RTN4IP1: variants seen among roughly 807,000 people sequenced by gnomAD.
The protein encoded by RTN4IP1 is reticulon 4 interacting protein 1, also known as NAD(P)H oxidoreductase RTN4IP1, mitochondrial.
A neutral mutation model predicts 46.6 loss-of-function variants in RTN4IP1; 32 were observed. That is an observed-to-expected ratio of 0.69 (90% CI 0.52 to 0.92). RTN4IP1 has a LOEUF of 0.92. Ranked by LOEUF, RTN4IP1 falls within the 40% of genes least tolerant of loss-of-function variation. The probability of loss-of-function intolerance (pLI) is 0.00; values close to 1 mark genes in which losing one functional copy is unlikely to be tolerated. For synonymous variants in RTN4IP1, 167 were observed against 161.8 expected, an observed-to-expected ratio of 1.03 and a Z score of -0.24; for missense variants, 424 against 485.8, an observed-to-expected ratio of 0.87 and a Z score of 1.20.
chr6:106,587,845 T>A lies in RTN4IP1; in HGVS notation c.824A>T (p.Asp275Val). Residue 275 changes from aspartate to valine, a missense_variant, in exon 7 of 9, where the codon GAT becomes GTT. Transcript: ENST00000369063. ...KSLKPFDFIL[D>V]NVGGSTETWA... ...TGTTTCAGTGGATCCGCCAACATTATCAAGGATAAAATCAAATCTGGAGAG... is the reference window on the plus strand; with the variant it reads ...TGTTTCAGTGGATCCGCCAACATTAACAAGGATAAAATCAAATCTGGAGAG... The A allele has an allele frequency of 6.2e-7, 1 of 1,612,850 alleles. No individual in the cohort carries two copies. The highest frequency in any genetic ancestry group is 1.1e-5 in the South Asian group (1 of 91,000).
At chr6:106,622,581 G>C (rs1776508970) in intron 2 of RTN4IP1, among the ~76,000 whole-genome samples, 1 of 152,186 alleles carries the variant, frequency 6.6e-6, no homozygotes. Flanking sequence ...GCAGGGCACG[G>C]TCGGCAATGT....
At chr6:106,573,325 C>CTA (rs975916958) in intron 8 of RTN4IP1, among the ~76,000 whole-genome samples, 1 of 152,240 alleles carries the variant, frequency 6.6e-6, no homozygotes, top group Non-Finnish European at 1.5e-5. Context: ...CCAACTCATA[C>CTA]ATTTTACGCT....
intron 4 of RTN4IP1, among the ~76,000 whole-genome samples, chr6:106,615,485 G>A (rs1262379841): frequency 6.6e-6 from 1 of 152,104 alleles, no homozygotes; most frequent in Non-Finnish European, 1.5e-5. Flanking sequence ...ATTTTGTGGA[G>A]GAGGAATAGT....
rs375462213 is a variant in RTN4IP1 at position 106,624,538 on chromosome 6, T to C, written c.275-1569A>G. ...ATTTTGTAGAAACAGGGATTCATCA[T>C]GTTGGCCAGGCTGGTCTCAAACTCC... On this transcript the variant is annotated intron_variant, in intron 1 of 8. Transcript: ENST00000369063. 3.9e-4 allele frequency among the ~76,000 whole-genome samples: 59 copies of C among 151,228 alleles called. No individual in the cohort carries two copies. In the South Asian group the frequency reaches 0.011, roughly 28 times the overall value.
In RTN4IP1 at chr6:106,622,917, T is replaced by C. The variant is rs1776519622; in HGVS notation, c.327A>G (p.Lys109=). Residue 109 remains lysine (K), a synonymous_variant, in exon 2 of 9, where the codon AAA becomes AAG. Transcript: ENST00000369063. ...TCAGAGGAAATTCTTCTCCTTTGATTTTCACGTGTAAAGGATCACGCTTCA... is the reference window on the plus strand; with the variant it reads ...TCAGAGGAAATTCTTCTCCTTTGATCTTCACGTGTAAAGGATCACGCTTCA... The part of the protein sequence containing the change: ...LNMKRDPLHV[K]IKGEEFPLTL... The C allele has an allele frequency of 1.2e-6, 2 of 1,614,100 alleles. No homozygotes were observed. The highest frequency in any genetic ancestry group is 1.3e-5 in the African/African-American group (1 of 74,940).
chr6:106,628,849 C>T lies in RTN4IP1; in HGVS notation c.173G>A (p.Arg58Gln). The T allele has an allele frequency of 6.2e-7, 1 of 1,614,102 alleles. No homozygotes were observed. Among genetic ancestry groups the T allele is most frequent in the African/African-American group, 1.3e-5 (1 of 75,034 alleles). ...IDKYGKNEVL[R>Q]FTQNMMMPII... ...AGGCATCATCATGTTCTGAGTGAAT[C>T]GAAGCACTTCATTCTTCCCATATTT... is the stretch of plus-strand genomic sequence containing the variant. Residue 58 changes from arginine to glutamine, a missense_variant, in exon 1 of 9, where the codon CGA becomes CAA. Transcript: ENST00000369063.
At chr6:106,627,206 T>G (rs1776671218) in intron 1 of RTN4IP1, among the ~76,000 whole-genome samples, 1 of 151,880 alleles carries the variant, frequency 6.6e-6, no homozygotes, top group African/African-American at 2.4e-5. Context: ...ACTAAGATGT[T>G]TCAAGAATAC....
intron 1 of RTN4IP1, among the ~76,000 whole-genome samples, chr6:106,626,202 G>C (rs1776638338): frequency 6.6e-6 from 1 of 152,050 alleles, no homozygotes; most frequent in Non-Finnish European, 1.5e-5. Flanking sequence ...TGGGTAGCTT[G>C]CATGAGTTGT....
intron 8 of RTN4IP1, among the ~76,000 whole-genome samples, chr6:106,580,129 G>A (rs997276431): frequency 1.0e-3 from 153 of 151,086 alleles, no homozygotes; most frequent in African/African-American, 3.5e-3. Flanking sequence ...CAGGAGAATG[G>A]TGTGAACCCG....
intron 6 of RTN4IP1, 47 bp from the exon 7 acceptor site, chr6:106,587,909 T>C: frequency 6.6e-7 from 1 of 1,504,478 alleles, no homozygotes; most frequent in Non-Finnish European, 9.0e-7. Context: ...GGCTTTACAC[T>C]GGACTCTGAT....
intron 4 of RTN4IP1, among the ~76,000 whole-genome samples, chr6:106,606,052 GA>G (rs968292399): frequency 6.6e-6 from 1 of 152,030 alleles, no homozygotes; most frequent in African/African-American, 2.4e-5. Context: ...CTTACATATA[GA>G]AAAAACAAAA....
intron 8 of RTN4IP1, among the ~76,000 whole-genome samples, chr6:106,574,630 TG>T (rs1775175769): frequency 6.6e-6 from 1 of 151,852 alleles, no homozygotes; most frequent in African/African-American, 2.4e-5. Context: ...CTGTAGGGGG[TG>T]GGGCAGAAAA....
At chr6:106,582,561 C>T (rs1024446782) in intron 8 of RTN4IP1, among the ~76,000 whole-genome samples, 1 of 152,168 alleles carries the variant, frequency 6.6e-6, no homozygotes, top group East Asian at 1.9e-4. Flanking sequence ...TATGATCTCA[C>T]ACAACCCTCT....
rs1470066615 is a variant in RTN4IP1, at chr6:106,592,312, C to T, written c.670-12G>A. 6.3e-7 allele frequency: 1 copy of T among 1,591,044 alleles called. No individual in the cohort carries two copies. On this transcript the variant is annotated splice_polypyrimidine_tract_variant and intron_variant, in intron 5 of 8. Transcript: ENST00000369063. Reference sequence around the variant, plus strand: ...CATGCTTTCATTACCTGCCCCCCACCAAAAAGAAAAAAAGAATAAAAAAGG... The same window carrying T: ...CATGCTTTCATTACCTGCCCCCCACTAAAAAGAAAAAAAGAATAAAAAAGG...
rs756809073 is a variant in RTN4IP1, at chr6:106,629,001, A to G, written c.21T>C (p.Cys7=). 22 of 1,611,750 alleles carry G rather than the reference A, an allele frequency of 1.4e-5. No homozygotes were observed. The highest frequency in any genetic ancestry group is 1.9e-5 in the Non-Finnish European group (22 of 1,178,624). ...CAGTGCATGCATTTCTTCTAAGTAC[A>G]CAAGTCTTCAGAAATTCCATTGTAA... MEFLKT[C]VLRRNACTAV... The change falls in exon 1 of 9, where the codon TGT becomes TGC. Residue 7 remains cysteine, a synonymous_variant. Coordinates refer to ENST00000369063, the MANE Select transcript of RTN4IP1 (RefSeq NM_032730.5).
chr6:106,609,084 A>G (rs1776158192), intron 4 of RTN4IP1, among the ~76,000 whole-genome samples: 1 of 152,196 alleles, frequency 6.6e-6, no homozygotes, highest in Non-Finnish European at 1.5e-5. Context: ...TTGAAGGACC[A>G]AGTCCCAGTT....
At chr6:106,600,075 C>T (rs979191557) in intron 5 of RTN4IP1, among the ~76,000 whole-genome samples, 2 of 152,040 alleles carry the variant, frequency 1.3e-5, no homozygotes, top group Non-Finnish European at 2.9e-5. Flanking sequence ...TTAAAGTGTG[C>T]ATCCCAGGAA....
At position 106,629,469 on chromosome 6, in the gene RTN4IP1, C is replaced by T; in HGVS notation, c.-448G>A. On this transcript the variant is annotated 5_prime_UTR_variant, in exon 1 of 9. Transcript: ENST00000369063. ...CTGGCCCGGAATCTCCTTGCCTGCC[C>T]GCTCTCCTTAGCCGCCGGGATGGCT... The T allele has an allele frequency of 3.0e-6, 2 of 657,340 alleles. No individual in the cohort carries two copies. Among genetic ancestry groups the T allele is most frequent in the Admixed American group, 3.0e-5 (1 of 33,674 alleles). 40.7% of individuals were successfully genotyped at this position (657,340 alleles called of 1,614,324 possible).
intron 4 of RTN4IP1, among the ~76,000 whole-genome samples, chr6:106,606,785 C>T (rs535960423): frequency 6.6e-6 from 1 of 152,190 alleles, no homozygotes; most frequent in African/African-American, 2.4e-5. Flanking sequence ...ACATCCTATG[C>T]TCATGGATTG....
Sources: gnomAD v4.1 joint callset for allele counts (sites outside exome capture counted in the v4.1 genomes callset) on GRCh38, gnomAD v4.1.1 for gene constraint, MANE v1.5 for transcripts, NCBI Gene and HGNC (gene_info 2026-07-23, HGNC 2026-07-21) for gene names.